The following ARHGEF28 variants were observed in gnomAD, a reference collection of about 807,000 sequenced individuals.
The protein encoded by ARHGEF28 is Rho guanine nucleotide exchange factor 28, also known as 190 kDa guanine nucleotide exchange factor.
A neutral mutation model predicts 206.6 loss-of-function variants in ARHGEF28; 152 were observed. The ratio of observed to expected loss-of-function variants is 0.74; its 90% CI spans 0.64 to 0.84. The LOEUF (loss-of-function observed/expected upper bound fraction) is 0.84. Ranked by LOEUF, ARHGEF28 falls within the 40% of genes least tolerant of loss-of-function variation. ARHGEF28 has a pLI of 0.00. For missense variants in ARHGEF28, 2,028 were observed against 2,073.2 expected, an observed-to-expected ratio of 0.98 and a Z score of 0.42; for synonymous variants, 763 against 776.4, an observed-to-expected ratio of 0.98 and a Z score of 0.29.
chr5:73,856,096 T>G (rs557032141), intron 14 of ARHGEF28, among the ~76,000 whole-genome samples: 45 of 141,600 alleles, frequency 3.2e-4, no homozygotes, highest in African/African-American at 1.1e-3. Flanking sequence ...AACTCTCAAA[T>G]GTATTTTTTC....
chr5:73,770,106 A>G (rs531112184), intron 4 of ARHGEF28, among the ~76,000 whole-genome samples: 1 of 152,346 alleles, frequency 6.6e-6, no homozygotes, highest in South Asian at 2.1e-4. Flanking sequence ...ACTTTCCTTT[A>G]GTAACACTTA....
At chr5:73,655,866 C>G (rs1178643336) in intron 1 of ARHGEF28, among the ~76,000 whole-genome samples, 1 of 152,152 alleles carries the variant, frequency 6.6e-6, no homozygotes, top group Non-Finnish European at 1.5e-5. Context: ...GAGAACTGAA[C>G]TGTAAAAGGG....
chr5:73,874,025 A>C (rs556354348), intron 22 of ARHGEF28, among the ~76,000 whole-genome samples: 1 of 152,272 alleles, frequency 6.6e-6, no homozygotes, highest in South Asian at 2.1e-4. Flanking sequence ...CTACATCCTC[A>C]CCAGCATCTG....
intron 1 of ARHGEF28, among the ~76,000 whole-genome samples, chr5:73,628,767 T>C (rs534781392): frequency 1.5e-3 from 236 of 152,360 alleles, no homozygotes; most frequent in African/African-American, 5.6e-3. Flanking sequence ...CCTGTCAGAC[T>C]TGAGTCCACA....
intron 9 of ARHGEF28, among the ~76,000 whole-genome samples, chr5:73,807,531 C>G (rs1755586387): frequency 6.6e-6 from 1 of 150,856 alleles, no homozygotes; most frequent in South Asian, 2.1e-4. Context: ...CTTGCCCAGG[C>G]TGGAGTGCAA....
intron 9 of ARHGEF28, among the ~76,000 whole-genome samples, chr5:73,820,899 C>T (rs1267648643): frequency 6.6e-6 from 1 of 152,118 alleles, no homozygotes; most frequent in Non-Finnish European, 1.5e-5. Context: ...AATGGTTGTC[C>T]TCATGATGGT....
Position 73,870,126 on chromosome 5 carries a change from C to T in ARHGEF28, c.2483C>T (p.Ala828Val). 1 of 1,613,902 alleles carries T rather than the reference C, an allele frequency of 6.2e-7. No individual in the cohort carries two copies. The highest frequency in any genetic ancestry group is 1.7e-5 in the Admixed American group (1 of 60,012). ...AGCAGTGATGCCCAGGAGTTTGAAGCAGAATCTTGGAGTCTTGTGGTGGAT... is the reference window on the plus strand; with the variant it reads ...AGCAGTGATGCCCAGGAGTTTGAAGTAGAATCTTGGAGTCTTGTGGTGGAT... Reference protein sequence around the residue: ...DLSSDAQEFEAESWSLVVDPS... With the variant: ...DLSSDAQEFEVESWSLVVDPS... The change falls in exon 21 of 36, where the codon GCA becomes GTA. Residue 828 changes from alanine (A) to valine (V), a missense_variant. Ala to Val is a moderately conservative substitution (Grantham distance 64). This residue lies in a region of ARHGEF28 where 1,002 missense variants were observed against 1,015.3 expected (regional missense o/e 0.99). Transcript: ENST00000513042.
At chr5:73,901,100 G>A (rs1372686662) in intron 30 of ARHGEF28, 84 bp from the exon 31 acceptor site, 3 of 1,012,860 alleles carry the variant, frequency 3.0e-6, no homozygotes, top group African/African-American at 3.2e-5. Flanking sequence ...TGAAATATGT[G>A]TTGGCCGTGT....
At chr5:73,737,484 TTTC>T (rs1751040573) in intron 2 of ARHGEF28, among the ~76,000 whole-genome samples, 1 of 121,798 alleles carries the variant, frequency 8.2e-6, no homozygotes, top group East Asian at 2.2e-4. Context: ...TTTCTTTTCT[TTTC>T]TTTTCTTTTC....
At chr5:73,755,318 G>GT (rs1318981404) in intron 4 of ARHGEF28, among the ~76,000 whole-genome samples, 2 of 151,364 alleles carry the variant, frequency 1.3e-5, no homozygotes, top group African/African-American at 2.4e-5. Flanking sequence ...TGTTTTTTTG[G>GT]GGGGGTGTGG....
In ARHGEF28 at chr5:73,941,128, A is replaced by G. The variant is rs2112073363; in HGVS notation, c.*115A>G. 1.9e-6 allele frequency: 2 copies of G among 1,062,958 alleles called. No individual in the cohort carries two copies. The highest frequency in any genetic ancestry group is 3.3e-5 in the East Asian group (1 of 30,450). The allele number at this position is 1,062,958 out of a possible 1,614,324, so 65.8% of individuals were successfully genotyped here. A position where few individuals can be genotyped will look rare whatever the true frequency, so the allele number is the denominator to read the frequency against. On this transcript the variant is annotated 3_prime_UTR_variant, in exon 36 of 36. Coordinates refer to ENST00000513042, the MANE Select transcript of ARHGEF28 (RefSeq NM_001177693.2). Reference sequence around the variant, plus strand: ...GTGTCCAAATTGCTTTAAGAATAATATTTAATATTTCCTGGAAGCTCATTT... The same window carrying G: ...GTGTCCAAATTGCTTTAAGAATAATGTTTAATATTTCCTGGAAGCTCATTT...
intron 1 of ARHGEF28, among the ~76,000 whole-genome samples, chr5:73,646,906 C>G (rs1744462143): frequency 1.2e-5 from 1 of 82,694 alleles, no homozygotes; most frequent in African/African-American, 3.2e-5. Flanking sequence ...TTTTCTTGCC[C>G]CGCCATCACT....
intron 35 of ARHGEF28, among the ~76,000 whole-genome samples, chr5:73,917,197 G>T (rs1478273382): frequency 2.0e-5 from 3 of 152,136 alleles, no homozygotes; most frequent in Non-Finnish European, 4.4e-5. Flanking sequence ...AAAGCTGAAG[G>T]GCTGAAGACA....
intron 2 of ARHGEF28, among the ~76,000 whole-genome samples, chr5:73,686,673 A>T (rs1747496084): frequency 6.6e-6 from 1 of 151,264 alleles, no homozygotes; most frequent in African/African-American, 2.4e-5. Context: ...CACCGCCACC[A>T]CGCCCGGCAA....
chr5:73,901,096 A>G, intron 30 of ARHGEF28, 88 bp from the exon 31 acceptor site: 2 of 963,790 alleles, frequency 2.1e-6, no homozygotes, highest in Non-Finnish European at 3.2e-6. Context: ...ATTTTGAAAT[A>G]TGTGTTGGCC....
At chr5:73,737,171 C>T (rs1366363478) in intron 2 of ARHGEF28, among the ~76,000 whole-genome samples, 1 of 152,144 alleles carries the variant, frequency 6.6e-6, no homozygotes, top group Non-Finnish European at 1.5e-5. Flanking sequence ...TGTTCCTTGT[C>T]AGCACCAAAG....
intron 1 of ARHGEF28, among the ~76,000 whole-genome samples, chr5:73,634,545 A>G (rs1580423766): frequency 6.6e-6 from 1 of 152,224 alleles, no homozygotes; most frequent in African/African-American, 2.4e-5. Flanking sequence ...CCTTCTGTCT[A>G]TAATTTGTAG....
At chr5:73,710,334 C>G (rs1455256370) in intron 2 of ARHGEF28, among the ~76,000 whole-genome samples, 1 of 152,150 alleles carries the variant, frequency 6.6e-6, no homozygotes, top group Non-Finnish European at 1.5e-5. Context: ...CATATGCTTA[C>G]TTGCTATTTA....
rs375320210 is a variant in ARHGEF28, at chr5:73,699,167, A to ATG, written c.33+14297_33+14298dup. On this transcript the variant is annotated intron_variant, in intron 2 of 35. Coordinates refer to ENST00000513042, the MANE Select transcript of ARHGEF28 (RefSeq NM_001177693.2). ...CCCCTAGAGCTGTGTGTGTGTGTGT[A>ATG]TGTGTGTGTGTGTGTATGTGTGTTT... Among the ~76,000 whole-genome samples, 192 of 149,114 alleles carry ATG rather than the reference A, an allele frequency of 1.3e-3. 2 individuals are homozygous for ATG. Among genetic ancestry groups the ATG allele is most frequent in the Admixed American group, 5.2e-3 (78 of 14,950 alleles).
Sources: gnomAD v4.1 joint callset for allele counts (sites outside exome capture counted in the v4.1 genomes callset) on GRCh38, gnomAD v4.1.1 for gene constraint, gnomAD v4.1.1 regional missense constraint, MANE v1.5 for transcripts, NCBI Gene and HGNC (gene_info 2026-07-23, HGNC 2026-07-21) for gene names.